The following KALRN variants were observed in gnomAD, a reference collection of about 807,000 sequenced individuals.
KALRN encodes kalirin RhoGEF kinase.
In KALRN, 70 loss-of-function variants were observed where a neutral mutation model predicts 353.7. That is an observed-to-expected ratio of 0.20 (90% CI 0.16 to 0.24). The LOEUF (loss-of-function observed/expected upper bound fraction) is 0.24. Ranked by LOEUF, KALRN falls within the 10% of genes least tolerant of loss-of-function variation. KALRN has a pLI of 1.00. For synonymous variants in KALRN, 1,391 were observed against 1,434.8 expected, an observed-to-expected ratio of 0.97 and a Z score of 0.69; for missense variants, 2,791 against 3,756.7, an observed-to-expected ratio of 0.74 and a Z score of 6.72.
intron 33 of KALRN, among the ~76,000 whole-genome samples, chr3:124,544,843 T>C (rs963138917): frequency 6.6e-6 from 1 of 152,160 alleles, no homozygotes; most frequent in Non-Finnish European, 1.5e-5. Context: ...TCAATTAGTA[T>C]GGAAACTGAG....
intron 1 of KALRN, among the ~76,000 whole-genome samples, chr3:124,048,703 C>T (rs183091066): frequency 3.3e-4 from 50 of 152,212 alleles, no homozygotes; most frequent in Middle Eastern, 3.4e-3. Flanking sequence ...CAGATGGTCT[C>T]GATCTCCTGA....
At chr3:124,684,124 A>G (rs1401894059) in intron 51 of KALRN, among the ~76,000 whole-genome samples, 1 of 152,044 alleles carries the variant, frequency 6.6e-6, no homozygotes, top group East Asian at 1.9e-4. Context: ...ACAACTCTCT[A>G]TTCCTCTCCA....
chr3:124,201,459 T>A (rs2075935476), intron 1 of KALRN, among the ~76,000 whole-genome samples: 1 of 152,242 alleles, frequency 6.6e-6, no homozygotes, highest in African/African-American at 2.4e-5. Context: ...CCTGGAGGAC[T>A]GGAGCTTTGT....
intron 1 of KALRN, among the ~76,000 whole-genome samples, chr3:124,120,711 A>AATATATATATATATATATAT (rs368470724): frequency 3.3e-4 from 33 of 98,908 alleles, no homozygotes; most frequent in Admixed American, 9.4e-4. Flanking sequence ...GAATACTAAA[A>AATATATATATATATATATAT]ATATATATAT....
chr3:124,462,706 G>A, intron 25 of KALRN, 73 bp downstream of exon 25: 1 of 804,514 alleles, frequency 1.2e-6, no homozygotes. Flanking sequence ...CCAAGAAGTG[G>A]ATCAAAGGCG....
intron 1 of KALRN, among the ~76,000 whole-genome samples, chr3:124,077,471 C>T (rs574804662): frequency 2.5e-4 from 38 of 152,156 alleles, no homozygotes; most frequent in South Asian, 6.2e-4. Context: ...GCCACTCATT[C>T]ATTCCTACTC....
At chr3:124,661,126 A>G (rs2084820400) in intron 44 of KALRN, among the ~76,000 whole-genome samples, 153 bp downstream of exon 44, 1 of 152,192 alleles carries the variant, frequency 6.6e-6, no homozygotes. Context: ...TACCTGCTTG[A>G]GGAATGGCAA....
chr3:124,316,949 G>A (rs1031737211), intron 6 of KALRN, among the ~76,000 whole-genome samples: 16 of 152,140 alleles, frequency 1.1e-4, no homozygotes, highest in African/African-American at 2.2e-4. Flanking sequence ...ACTTTCTTGC[G>A]GTTCTATGGA....
At chr3:124,568,325 T>C (rs978952679) in intron 34 of KALRN, among the ~76,000 whole-genome samples, 1 of 152,202 alleles carries the variant, frequency 6.6e-6, no homozygotes, top group African/African-American at 2.4e-5. Context: ...AGGATGGCTA[T>C]TGTTTAAAAT....
chr3:124,256,852 G>C lies in KALRN; in HGVS notation c.264-7646G>C, dbSNP rs534582424. ...GCAGAAACCTCGCAGTGATTTCATG[G>C]CAACTTAGAGAGGGGAGCCAGGGAA... is the stretch of plus-strand genomic sequence containing the variant. On this transcript the variant is annotated intron_variant, in intron 3 of 59. Transcript: ENST00000682506. Among the ~76,000 whole-genome samples, 10 of 152,314 alleles carry C rather than the reference G, an allele frequency of 6.6e-5. No homozygotes were observed. The South Asian group carries it at 2.1e-3, about 32-fold the overall frequency.
Position 124,618,086 on chromosome 3 carries a change from C to CTTT in KALRN, c.5183-14296_5183-14294dup, listed in dbSNP as rs71145464. 1.4e-3 allele frequency among the ~76,000 whole-genome samples: 91 copies of CTTT among 63,354 alleles called. 20 individuals carry two copies. The highest frequency in any genetic ancestry group is 2.2e-3 in the Non-Finnish European group (79 of 36,066). The allele number at this position is 63,354 out of a possible 152,430, so 41.6% of individuals were successfully genotyped here. On this transcript the variant is annotated intron_variant, in intron 34 of 59. Transcript: ENST00000682506. ...GGAAAGAAAATACCAGTGCAGAAATCTTTTTTTTTTTTTTTTTTTTTTTTT... is the reference window on the plus strand; with the variant it reads ...GGAAAGAAAATACCAGTGCAGAAATCTTTTTTTTTTTTTTTTTTTTTTTTTTTT...
chr3:124,562,297 G>A (rs2072145741), intron 33 of KALRN, among the ~76,000 whole-genome samples: 1 of 152,196 alleles, frequency 6.6e-6, no homozygotes, highest in African/African-American at 2.4e-5. Context: ...AGGTGTTGCA[G>A]GGGTTAGAAG....
In KALRN at chr3:124,693,822, A is replaced by G; in HGVS notation, c.7396A>G (p.Ile2466Val). The change falls in exon 52 of 60, where the codon ATC (isoleucine) becomes GTC (valine). Residue 2466 changes from isoleucine (I) to valine (V), a missense_variant. Physicochemically the swap from Ile to Val is conservative, Grantham distance 29. Coordinates refer to ENST00000682506, the MANE Select transcript of KALRN (RefSeq NM_001388419.1). ...TTTTCAGATCTTAAATCCAAATTTC[A>G]TCCAAGAAGGTGAGTTAAAAAGCAT... The part of the protein sequence containing the change: ...TSMEILNPNF[I>V]QEVAPEFLVP... 2 of 1,571,518 alleles carry G rather than the reference A, an allele frequency of 1.3e-6. No homozygotes were observed. Among genetic ancestry groups the G allele is most frequent in the Non-Finnish European group, 8.7e-7 (1 of 1,149,936 alleles).
chr3:124,562,817 A>G (rs776123754), intron 33 of KALRN, 26 bp from the exon 34 acceptor site: 99 of 1,330,414 alleles, frequency 7.4e-5, no homozygotes, highest in Middle Eastern at 2.1e-4. Context: ...CTCCTGTTCT[A>G]CTCCCTCCAC....
intron 33 of KALRN, among the ~76,000 whole-genome samples, chr3:124,534,618 A>G (rs1287589778): frequency 6.6e-6 from 1 of 152,164 alleles, no homozygotes; most frequent in Admixed American, 6.5e-5. Context: ...GATTGGGAGA[A>G]AGTAAAGGAC....
chr3:124,041,291 T>C (rs1228991786), intron 1 of KALRN, among the ~76,000 whole-genome samples: 1 of 152,134 alleles, frequency 6.6e-6, no homozygotes, highest in Non-Finnish European at 1.5e-5. Context: ...ATGAGGATAA[T>C]AGCCCCCCGC....
At chr3:124,248,537 C>G (rs562812104) in intron 3 of KALRN, among the ~76,000 whole-genome samples, 1 of 152,176 alleles carries the variant, frequency 6.6e-6, no homozygotes, top group African/African-American at 2.4e-5. Context: ...AGTATGACAG[C>G]CAGCCCCATT....
At chr3:124,237,454 C>T (rs72626356) in intron 3 of KALRN, among the ~76,000 whole-genome samples, 13,830 of 151,546 alleles carry the variant, frequency 0.091, 1,776 homozygotes, top group East Asian at 0.64. Context: ...CCTCTGCTTC[C>T]CAGGTTCAAG....
intron 1 of KALRN, among the ~76,000 whole-genome samples, chr3:124,165,293 C>T (rs2150054519): frequency 1.3e-5 from 2 of 152,172 alleles, no homozygotes; most frequent in East Asian, 3.9e-4. Flanking sequence ...CCTACAGTAC[C>T]ACTTATTAGC....
Sources: gnomAD v4.1 joint callset for allele counts (sites outside exome capture counted in the v4.1 genomes callset) on GRCh38, gnomAD v4.1.1 for gene constraint, MANE v1.5 for transcripts, NCBI Gene and HGNC (gene_info 2026-07-23, HGNC 2026-07-21) for gene names.